Variants in COG6 observed in about 807,000 individuals in gnomAD.
COG6 encodes the protein component of oligomeric golgi complex 6.
In COG6, 74 loss-of-function variants were observed where a neutral mutation model predicts 88.8. The ratio of observed to expected loss-of-function variants is 0.83; its 90% CI spans 0.69 to 1.01. COG6 has a LOEUF of 1.01. Among genes scored for constraint, COG6 ranks in the 50% least tolerant of loss-of-function variants. The pLI, the probability that COG6 is intolerant of heterozygous loss-of-function variation, is 0.00. For synonymous variants in COG6, 286 were observed against 278.7 expected (o/e 1.03, Z -0.26); for missense variants, 800 against 797.9 (o/e 1.00, Z -0.03).
chr13:39,766,089 ACCCTCT>A (rs931275828), intron 18 of COG6, among the ~76,000 whole-genome samples: 1 of 151,980 alleles, frequency 6.6e-6, no homozygotes. Flanking sequence ...TGGCTTCTGG[ACCCTCT>A]CCCCAGTACT....
intron 13 of COG6, among the ~76,000 whole-genome samples, chr13:39,706,469 G>A (rs773175508): frequency 2.0e-5 from 3 of 151,508 alleles, no homozygotes; most frequent in Non-Finnish European, 4.4e-5. Flanking sequence ...GTGGGATGAA[G>A]TTGTAGGAAC....
At chr13:39,686,949 C>G (rs1297428098) in intron 8 of COG6, among the ~76,000 whole-genome samples, 1 of 151,730 alleles carries the variant, frequency 6.6e-6, no homozygotes, top group African/African-American at 2.4e-5. Flanking sequence ...AGGCTGGTCT[C>G]AAACTCCTGG....
chr13:39,780,478 A>G lies in COG6; in HGVS notation c.1827-7857A>G, dbSNP rs547767987. ...TGAAGTAATTTATTAATTTATTAATACAAGAAGTAAAAAATACTATTTTTG... is the reference window on the plus strand; with the variant it reads ...TGAAGTAATTTATTAATTTATTAATGCAAGAAGTAAAAAATACTATTTTTG... On this transcript the variant is annotated intron_variant, in intron 18 of 18. Transcript: ENST00000416691. 5.3e-5 allele frequency among the ~76,000 whole-genome samples: 8 copies of G among 152,336 alleles called. No homozygotes were observed. In the East Asian group the frequency reaches 1.5e-3, roughly 29 times the overall value.
At chr13:39,685,170 T>C (rs1474053462) in intron 8 of COG6, among the ~76,000 whole-genome samples, 2 of 152,158 alleles carry the variant, frequency 1.3e-5, no homozygotes, top group African/African-American at 4.8e-5. Context: ...TAAACACAAT[T>C]TTTAAAATGA....
intron 16 of COG6, 25 bp from the exon 17 acceptor site, chr13:39,724,483 C>CTTTTTTTTTTTT: frequency 7.8e-7 from 1 of 1,283,440 alleles, no homozygotes; most frequent in Non-Finnish European, 1.1e-6. Flanking sequence ...CTTGGATCTG[C>CTTTTTTTTTTTT]TTTTTTTTTT....
chr13:39,732,027 C>A (rs1267405944), intron 18 of COG6, among the ~76,000 whole-genome samples: 1 of 152,096 alleles, frequency 6.6e-6, no homozygotes, highest in African/African-American at 2.4e-5. Context: ...GTTCTTCTGC[C>A]TTTTTGTTCC....
At chr13:39,779,506 T>C (rs1019610242) in intron 18 of COG6, among the ~76,000 whole-genome samples, 2 of 152,216 alleles carry the variant, frequency 1.3e-5, no homozygotes, top group African/African-American at 4.8e-5. Flanking sequence ...GTTTTTCTTT[T>C]CTCATCAGAG....
Position 39,677,554 on chromosome 13 carries a change from G to C in COG6, c.515G>C (p.Gly172Ala). 6.2e-7 allele frequency: 1 copy of C among 1,609,578 alleles called. No homozygotes were observed. The highest frequency in any genetic ancestry group is 8.5e-7 in the Non-Finnish European group (1 of 1,176,202). ...LTSDEMSLLRGTREGPITEDF... is the reference protein window; with the variant it reads ...LTSDEMSLLRATREGPITEDF... ...TCTGATGAAATGAGTCTTCTCCGAG[G>C]TACAAGAGAAGGACCCATTACTGAG... The change falls in exon 5 of 19, where the codon GGT becomes GCT. Residue 172 changes from glycine (G) to alanine (A), a missense_variant. Coordinates refer to ENST00000455146, the MANE Select transcript of COG6 (RefSeq NM_020751.3).
chr13:39,730,699 G>A (rs1430816831), intron 18 of COG6, among the ~76,000 whole-genome samples: 4 of 141,210 alleles, frequency 2.8e-5, no homozygotes, highest in Admixed American at 7.4e-5. Flanking sequence ...GCTTGAACCC[G>A]GGAGGTGGAG....
intron 11 of COG6, among the ~76,000 whole-genome samples, chr13:39,691,447 A>T (rs181959293): frequency 1.8e-3 from 274 of 152,144 alleles, no homozygotes; most frequent in South Asian, 4.8e-3. Context: ...AGAAGACACT[A>T]GTAAGCAGAC....
intron 18 of COG6, among the ~76,000 whole-genome samples, chr13:39,744,855 T>C (rs928906908): frequency 3.3e-5 from 5 of 152,138 alleles, no homozygotes; most frequent in African/African-American, 7.2e-5. Flanking sequence ...CAAACTATAC[T>C]ACAAGGCTAC....
chr13:39,678,258 G>T (rs1876095433), intron 5 of COG6: 1 of 328,070 alleles, frequency 3.0e-6, no homozygotes, highest in South Asian at 2.4e-5. Context: ...ATTTTTAGTA[G>T]AGATAGGATC....
intron 4 of COG6, among the ~76,000 whole-genome samples, chr13:39,668,318 A>G (rs1875395454): frequency 6.6e-6 from 1 of 152,172 alleles, no homozygotes. Flanking sequence ...TCCAGAGACT[A>G]TAATTTGAAA....
intron 7 of COG6, among the ~76,000 whole-genome samples, chr13:39,680,917 A>G (rs567335829): frequency 1.3e-5 from 2 of 152,306 alleles, no homozygotes; most frequent in African/African-American, 4.8e-5. Flanking sequence ...TTTGAGGTCT[A>G]CTGCCTTAAT....
chr13:39,758,816 T>C (rs1347234580), intron 18 of COG6, among the ~76,000 whole-genome samples: 3 of 152,132 alleles, frequency 2.0e-5, no homozygotes, highest in African/African-American at 7.2e-5. Context: ...AAATTAGAAA[T>C]AACTGAAATA....
intron 16 of COG6, among the ~76,000 whole-genome samples, chr13:39,724,129 G>A (rs1400842812): frequency 6.6e-6 from 1 of 152,016 alleles, no homozygotes; most frequent in Non-Finnish European, 1.5e-5. Context: ...GAAGTGGTAA[G>A]CAAATTTCTA....
intron 6 of COG6, 149 bp from the exon 7 acceptor site, chr13:39,679,822 CATTT>C (rs1250524405): frequency 5.9e-6 from 4 of 677,652 alleles, no homozygotes; most frequent in East Asian, 2.7e-5. Flanking sequence ...TAAAATGTGA[CATTT>C]ATTTAATTGT....
At chr13:39,656,424 T>C (rs553608282) in intron 1 of COG6, 120 of 332,180 alleles carry the variant, frequency 3.6e-4, no homozygotes, top group Non-Finnish European at 6.2e-4. Context: ...TACTAGTTTT[T>C]GTTGAGCCAA....
rs777327325 is a variant in COG6, at chr13:39,699,494, CT to C, written c.1167-3del. The C allele has an allele frequency of 1.4e-6, 2 of 1,383,180 alleles. No homozygotes were observed. The highest frequency in any genetic ancestry group is 1.0e-6 in the Non-Finnish European group (1 of 970,846). The allele number at this position is 1,383,180 out of a possible 1,614,324, so 85.7% of individuals were successfully genotyped here. On this transcript the variant is annotated splice_region_variant and splice_polypyrimidine_tract_variant and intron_variant, in intron 12 of 18. Transcript: ENST00000455146. ...GTTTTGCAACCTGAAATATTCTTTG[CT>C]TTTAGTGGTATTGTTGGAAATAGTG...
Sources: allele counts gnomAD v4.1 joint callset (sites outside exome capture counted in the v4.1 genomes callset), GRCh38; gene constraint gnomAD v4.1.1; transcripts MANE v1.5; gene names NCBI Gene and HGNC (gene_info 2026-07-23, HGNC 2026-07-21).